SYT16: variants seen among roughly 807,000 people sequenced by gnomAD.
The protein encoded by SYT16 is synaptotagmin 16.
A neutral mutation model predicts 61.4 loss-of-function variants in SYT16; 42 were observed. The ratio of observed to expected loss-of-function variants is 0.68; its 90% CI spans 0.53 to 0.89. The LOEUF (loss-of-function observed/expected upper bound fraction) is 0.89. Among genes scored for constraint, SYT16 ranks in the 40% least tolerant of loss-of-function variants. SYT16 has a pLI of 0.00. For missense variants in SYT16, 804 were observed against 807.3 expected (o/e 1.00, Z 0.05); for synonymous variants, 314 against 302.3 (o/e 1.04, Z -0.40).
chr14:61,932,618 C>T (rs933760871), intron 1 of SYT16, among the ~76,000 whole-genome samples: 1 of 152,214 alleles, frequency 6.6e-6, no homozygotes, highest in African/African-American at 2.4e-5. Flanking sequence ...TCCGTCAACA[C>T]ATGGGGGATT....
At chr14:61,911,018 G>A (rs1372362703) in intron 1 of SYT16, among the ~76,000 whole-genome samples, 1 of 152,220 alleles carries the variant, frequency 6.6e-6, no homozygotes, top group Non-Finnish European at 1.5e-5. Context: ...GCAACAGCAT[G>A]TGGTTTTACT....
Position 62,081,278 on chromosome 14 carries a change from A to G in SYT16, c.1434+4A>G, listed in dbSNP as rs1339651977. 1 of 1,611,298 alleles carries G rather than the reference A, an allele frequency of 6.2e-7. No homozygotes were observed. The highest frequency in any genetic ancestry group is 8.5e-7 in the Non-Finnish European group (1 of 1,178,474). On this transcript the variant is annotated splice_donor_region_variant and intron_variant, in intron 6 of 7. Transcript: ENST00000683842. ...GGAGCCAAGAAGTAATATAAGCGTG[A>G]GTATGTTAAATGGTGCTGCTAATGA...
Position 61,954,308 on chromosome 14 carries a change from CTTTT to C in SYT16, c.-324-15810_-324-15807del, listed in dbSNP as rs35213867. 4.3e-5 allele frequency among the ~76,000 whole-genome samples: 6 copies of C among 138,134 alleles called. No homozygotes were observed. In the South Asian group the frequency reaches 6.9e-4, roughly 16 times the overall value. The allele number at this position is 138,134 out of a possible 152,430, so 90.6% of individuals were successfully genotyped here. ...AGTCAGATGGCTGCAATTGGTTAGC[CTTTT>C]TTTTTTTTTTTTTACCCCTTCACCA... On this transcript the variant is annotated intron_variant, in intron 1 of 7. Coordinates refer to ENST00000683842, the MANE Select transcript of SYT16 (RefSeq NM_001367656.1).
chr14:61,822,096 A>G lies in SYT16; in HGVS notation c.-325+9286A>G, dbSNP rs79270724. Reference sequence around the variant, plus strand: ...TGGCATGGCTGTCAGAGAGCCTGGTAGCATGGCTCAGTCCAATTCCGAAAG... The same window carrying G: ...TGGCATGGCTGTCAGAGAGCCTGGTGGCATGGCTCAGTCCAATTCCGAAAG... On this transcript the variant is annotated intron_variant, in intron 1 of 7. Transcript: ENST00000683842. Among the ~76,000 whole-genome samples the G allele has an allele frequency of 6.9e-3, 1,044 of 152,358 alleles. 16 individuals are homozygous for G. Among genetic ancestry groups the G allele is most frequent in the African/African-American group, 0.024 (1,009 of 41,588 alleles).
rs1459379905 is a variant in SYT16 at position 62,111,378 on chromosome 14, A to G, written c.*10671A>G. On this transcript the variant is annotated 3_prime_UTR_variant, in exon 8 of 8. Transcript: ENST00000683842. ...AGCAGGGAATGTGCTTTATATTACT[A>G]TTCTACTCACAGCTGGATGCTGCAG... 3.3e-5 allele frequency: 5 copies of G among 152,096 alleles called. No individual in the cohort carries two copies. The highest frequency in any genetic ancestry group is 3.3e-4 in the Admixed American group (5 of 15,258). The allele number at this position is 152,096 out of a possible 1,614,324, so 9.4% of individuals were successfully genotyped here. A position where few individuals can be genotyped will look rare whatever the true frequency, so the allele number is the denominator to read the frequency against.
intron 3 of SYT16, among the ~76,000 whole-genome samples, chr14:62,003,946 T>C (rs1179607681): frequency 1.3e-5 from 2 of 152,124 alleles, no homozygotes; most frequent in Admixed American, 1.3e-4. Flanking sequence ...CTGGAGGAAA[T>C]GTCGTGAATG....
rs2054249540 is a variant in SYT16 at position 62,029,888 on chromosome 14, G to C, written c.523+33346G>C. 2.0e-5 allele frequency among the ~76,000 whole-genome samples: 3 copies of C among 152,038 alleles called. No homozygotes were observed. The South Asian group carries it at 6.2e-4, about 32-fold the overall frequency. Reference sequence around the variant, plus strand: ...CATTGATATGTTTGTGTGTGTTTCTGTGTTTGCCTGTGTTTTCTGAATCAT... The same window carrying C: ...CATTGATATGTTTGTGTGTGTTTCTCTGTTTGCCTGTGTTTTCTGAATCAT... On this transcript the variant is annotated intron_variant, in intron 3 of 7. Transcript: ENST00000683842.
intron 3 of SYT16, among the ~76,000 whole-genome samples, chr14:62,022,114 A>G (rs925521024): frequency 6.6e-6 from 1 of 151,298 alleles, no homozygotes; most frequent in Non-Finnish European, 1.5e-5. Context: ...GTTAGTCAGT[A>G]TTTTATATCT....
rs115301885 is a variant in SYT16, at chr14:61,916,926, C to A, written c.-324-53206C>A. On this transcript the variant is annotated intron_variant, in intron 1 of 7. Coordinates refer to ENST00000683842, the MANE Select transcript of SYT16 (RefSeq NM_001367656.1). The stretch of plus-strand genomic sequence containing the variant: ...TTGTTGACAATGACAGGATTTCATT[C>A]TTTTTTTAACCAAATAGTATTTTAT... Among the ~76,000 whole-genome samples the A allele has an allele frequency of 4.6e-3, 695 of 152,130 alleles. 3 individuals carry two copies. Among genetic ancestry groups the A allele is most frequent in the African/African-American group, 0.016 (653 of 41,506 alleles).
intron 7 of SYT16, among the ~76,000 whole-genome samples, chr14:62,097,917 C>A (rs1005858432): frequency 6.6e-6 from 1 of 152,166 alleles, no homozygotes; most frequent in African/African-American, 2.4e-5. Context: ...AATCATGTAG[C>A]TATGCAGCTT....
At chr14:61,839,838 T>C (rs2046250891) in intron 1 of SYT16, among the ~76,000 whole-genome samples, 1 of 151,826 alleles carries the variant, frequency 6.6e-6, no homozygotes, top group Non-Finnish European at 1.5e-5. Context: ...TATTTCTATG[T>C]CTTTTTCTTG....
At chr14:61,900,283 C>T (rs1267366866) in intron 1 of SYT16, among the ~76,000 whole-genome samples, 3 of 151,894 alleles carry the variant, frequency 2.0e-5, no homozygotes, top group Admixed American at 1.3e-4. Flanking sequence ...CTCAGCCTCC[C>T]GAGTAGCTGG....
rs572218226 is a variant in SYT16 at position 62,025,880 on chromosome 14, T to TA, written c.523+29348dup. ...CTTGCCATAGTCACTTGCAAATTGT[T>TA]AAAAAAAAAACAATAAAATATTTCT... is the stretch of plus-strand genomic sequence containing the variant. On this transcript the variant is annotated intron_variant, in intron 3 of 7. Coordinates refer to ENST00000683842, the MANE Select transcript of SYT16 (RefSeq NM_001367656.1). Among the ~76,000 whole-genome samples, 159 of 148,824 alleles carry TA rather than the reference T, an allele frequency of 1.1e-3. 2 individuals are homozygous for TA. Among genetic ancestry groups the TA allele is most frequent in the Admixed American group, 1.2e-3 (18 of 14,876 alleles).
At chr14:61,819,131 T>C (rs926798885) in intron 1 of SYT16, among the ~76,000 whole-genome samples, 1 of 152,248 alleles carries the variant, frequency 6.6e-6, no homozygotes, top group African/African-American at 2.4e-5. Context: ...AAATTTGGTC[T>C]ATATGTTTTA....
At chr14:62,034,062 A>C (rs555987895) in intron 3 of SYT16, among the ~76,000 whole-genome samples, 4 of 152,324 alleles carry the variant, frequency 2.6e-5, no homozygotes, top group African/African-American at 7.2e-5. Flanking sequence ...CTATTTTTCT[A>C]AAGAAGATAT....
At chr14:61,923,048 CAAAAAAAA>C (rs140168317) in intron 1 of SYT16, among the ~76,000 whole-genome samples, 1 of 95,510 alleles carries the variant, frequency 1.0e-5, no homozygotes, top group Non-Finnish European at 2.2e-5. Context: ...GACTCTGTCT[CAAAAAAAA>C]AAAAAAAAAA....
intron 1 of SYT16, among the ~76,000 whole-genome samples, chr14:61,902,827 T>C (rs568215645): frequency 8.5e-5 from 13 of 152,322 alleles, no homozygotes; most frequent in South Asian, 4.1e-4. Flanking sequence ...CCAAGTGCAA[T>C]TGGTTTCCCC....
chr14:62,077,368 T>C (rs750177292), intron 5 of SYT16, among the ~76,000 whole-genome samples: 148 of 152,242 alleles, frequency 9.7e-4, no homozygotes, highest in Non-Finnish European at 6.6e-4. Flanking sequence ...GCAGTGTGAC[T>C]ACCTGTTAGG....
intron 3 of SYT16, among the ~76,000 whole-genome samples, chr14:62,010,813 A>C (rs1248446781): frequency 6.6e-6 from 1 of 152,158 alleles, no homozygotes. Flanking sequence ...GCCTATTTCA[A>C]AACCAAAATA....
Sources: allele counts gnomAD v4.1 joint callset (sites outside exome capture counted in the v4.1 genomes callset), GRCh38; gene constraint gnomAD v4.1.1; transcripts MANE v1.5; gene names NCBI Gene and HGNC (gene_info 2026-07-23, HGNC 2026-07-21).